Variants in MX1 observed in about 807,000 individuals in gnomAD.
MX1 encodes the protein interferon-induced GTP-binding protein Mx1.
MX1 carries 66 observed loss-of-function variants against 66.4 expected under a neutral mutation model. That is an observed-to-expected ratio of 0.99 (90% CI 0.82 to 1.22). The LOEUF is 1.22. MX1 is among the 50% of genes most tolerant of loss of function. The pLI is 0.00. For synonymous variants in MX1, 311 were observed against 318.1 expected (o/e 0.98, Z 0.24); for missense variants, 787 against 834.3 (o/e 0.94, Z 0.70).
rs1398099324 is a variant in MX1, at chr21:41,441,873, G to T, written c.888G>T (p.Leu296=). 6.2e-7 allele frequency: 1 copy of T among 1,614,082 alleles called. No homozygotes were observed. The highest frequency in any genetic ancestry group is 2.2e-5 in the East Asian group (1 of 44,906). Residue 296 remains leucine (L), a synonymous_variant, in exon 10 of 17, where the codon CTG becomes CTT. Coordinates refer to ENST00000398598, the MANE Select transcript of MX1 (RefSeq NM_002462.5). This position sits in a 1 kb window ranked among gnomAD's most constrained non-coding sequence, Gnocchi z 4.0. ...ACCAGCTGAGCCTGTCCGAAGCCCT[G>T]CAGAGAGAGAAGATCTTCTTTGAGA... The part of the protein sequence containing the change: ...IQDQLSLSEA[L]QREKIFFENH...
At chr21:41,450,110 C>T (rs6517667) in intron 14 of MX1, among the ~76,000 whole-genome samples, 52,235 of 151,922 alleles carry the variant, frequency 0.34, 9,947 homozygotes, top group African/African-American at 0.51. Context: ...ACACCTCCCC[C>T]CTGCTCCACT....
intron 16 of MX1, among the ~76,000 whole-genome samples, chr21:41,455,580 A>G (rs969036152): frequency 9.9e-5 from 15 of 152,216 alleles, no homozygotes; most frequent in African/African-American, 3.6e-4. Flanking sequence ...AGGCTGACTC[A>G]TGCACTCAAA....
Position 41,458,516 on chromosome 21 carries a change from C to A in MX1, c.1759-12C>A. ...CCCCTCCACCCTCCCGTGAACTGTT[C>A]TTTCCTTCCAGGAGGCCAGCAAGCG... is the stretch of plus-strand genomic sequence containing the variant. On this transcript the variant is annotated splice_polypyrimidine_tract_variant and intron_variant, in intron 16 of 16. Transcript: ENST00000398598. 1 of 1,453,630 alleles carries A rather than the reference C, an allele frequency of 6.9e-7. No individual in the cohort carries two copies. Among genetic ancestry groups the A allele is most frequent in the African/African-American group, 1.5e-5 (1 of 68,304 alleles). 90.0% of individuals were successfully genotyped at this position (1,453,630 alleles called of 1,614,324 possible).
chr21:41,456,874 G>T (rs1375712897), intron 16 of MX1, among the ~76,000 whole-genome samples: 1 of 152,084 alleles, frequency 6.6e-6, no homozygotes, highest in African/African-American at 2.4e-5. Flanking sequence ...CGATTCTCCT[G>T]CCTCAGCCTC....
chr21:41,432,253 CT>C, intron 5 of MX1, 78 bp downstream of exon 5: 2 of 1,266,486 alleles, frequency 1.6e-6, no homozygotes, highest in Non-Finnish European at 2.3e-6. Flanking sequence ...TACAGCGGTG[CT>C]ACTGCTGCCC....
intron 16 of MX1, 84 bp from the exon 17 acceptor site, chr21:41,458,444 T>G: frequency 8.6e-7 from 1 of 1,167,118 alleles, no homozygotes; most frequent in Non-Finnish European, 1.2e-6. Flanking sequence ...AGAATCTGGA[T>G]CCCCTCATGT....
chr21:41,454,165 G>A (rs898489243), intron 16 of MX1, among the ~76,000 whole-genome samples: 2 of 152,094 alleles, frequency 1.3e-5, no homozygotes, highest in Non-Finnish European at 2.9e-5. Flanking sequence ...TTCAAAATAT[G>A]TCCACAAAAT....
At chr21:41,423,965 T>G (rs2090018482), upstream of MX1, among the ~76,000 whole-genome samples, 1 of 152,162 alleles carries the variant, frequency 6.6e-6, no homozygotes, top group African/African-American at 2.4e-5. Flanking sequence ...TGCCTCTATC[T>G]GGTTATCAGT....
In MX1 at chr21:41,445,571, G is replaced by T; in HGVS notation, c.1131+1G>T. On this transcript the variant is annotated splice_donor_variant, in intron 12 of 16. Coordinates refer to ENST00000398598, the MANE Select transcript of MX1 (RefSeq NM_002462.5). LOFTEE classifies it high-confidence loss of function. ...TGAAAAAATGTTCTTCCTGATAGAT[G>T]TGAGTGTTGCCAGCTGCATGGAGCT... The T allele has an allele frequency of 1.9e-6, 3 of 1,614,160 alleles. No homozygotes were observed. Among genetic ancestry groups the T allele is most frequent in the Non-Finnish European group, 2.5e-6 (3 of 1,180,026 alleles).
intron 15 of MX1, among the ~76,000 whole-genome samples, chr21:41,451,820 G>A (rs2090836078): frequency 1.4e-5 from 2 of 141,922 alleles, no homozygotes; most frequent in African/African-American, 2.7e-5. Flanking sequence ...AGGCGATGGA[G>A]CGAGACCCCG....
rs111921072 is a variant in MX1, at chr21:41,430,185, G to A, written c.-97-348G>A. 1.6e-3 allele frequency among the ~76,000 whole-genome samples: 242 copies of A among 152,112 alleles called. 2 individuals are homozygous for A. Among genetic ancestry groups the A allele is most frequent in the African/African-American group, 5.4e-3 (223 of 41,478 alleles). ...TGTTACAGAGCAGGGTGACAGGCAG[G>A]GGTGATGAGTTTTGTTTTAACAACC... On this transcript the variant is annotated intron_variant, in intron 3 of 16. Transcript: ENST00000398598.
chr21:41,454,106 C>G (rs575882220), intron 16 of MX1, among the ~76,000 whole-genome samples: 101 of 151,818 alleles, frequency 6.7e-4, no homozygotes, highest in African/African-American at 2.3e-3. Context: ...ATTCCCCCCC[C>G]ACAAAACATG....
At position 41,446,093 on chromosome 21, in the gene MX1, C is replaced by T. The variant is rs1216750670; in HGVS notation, c.1225C>T (p.His409Tyr). The change falls in exon 13 of 17, where the codon CAC (histidine) becomes TAC (tyrosine). Residue 409 changes from histidine to tyrosine, a missense_variant. By Grantham distance (83) the His-to-Tyr change is moderately conservative (BLOSUM62 2). Coordinates refer to ENST00000398598, the MANE Select transcript of MX1 (RefSeq NM_002462.5). Reference sequence around the variant, plus strand: ...CATTCGGCTGTTTACCAGACTCCGACACGAGTTCCACAAATGGAGTACAAT... The same window carrying T: ...CATTCGGCTGTTTACCAGACTCCGATACGAGTTCCACAAATGGAGTACAAT... ...EDIRLFTRLR[H>Y]EFHKWSTIIE... 2 of 1,614,212 alleles carry T rather than the reference C, an allele frequency of 1.2e-6. No individual in the cohort carries two copies. The highest frequency in any genetic ancestry group is 1.7e-5 in the Admixed American group (1 of 60,030).
At chr21:41,442,952 A>G (rs553481982) in intron 10 of MX1, among the ~76,000 whole-genome samples, 8 of 152,320 alleles carry the variant, frequency 5.3e-5, no homozygotes, top group South Asian at 4.1e-4. Context: ...AGGGGCTGGG[A>G]GAGAGAGAAT....
At chr21:41,458,300 G>C (rs762313377) in intron 16 of MX1, among the ~76,000 whole-genome samples, 2 of 152,208 alleles carry the variant, frequency 1.3e-5, no homozygotes, top group Non-Finnish European at 2.9e-5. Flanking sequence ...GTCAGGAAAA[G>C]CTGCTGGGAA....
Position 41,446,018 on chromosome 21 carries a change from C to G in MX1, c.1150C>G (p.Gln384Glu), listed in dbSNP as rs774494290. ...FLIDKVNAFN[Q>E]DITALMQGEE... ...TTGACAGAAAGTTAATGCCTTTAAT[C>G]AGGACATCACTGCTCTCATGCAAGG... Residue 384 changes from glutamine (Q) to glutamate (E), a missense_variant, in exon 13 of 17, where the codon CAG (glutamine) becomes GAG (glutamate). Gln to Glu is a conservative substitution (Grantham distance 29). Transcript: ENST00000398598. 3.1e-6 allele frequency: 5 copies of G among 1,613,848 alleles called. No individual in the cohort carries two copies. In the East Asian group the frequency reaches 1.1e-4, roughly 36 times the overall value.
chr21:41,436,146 A>C (rs468209), intron 6 of MX1, 117 bp downstream of exon 6: 559,972 of 1,253,612 alleles, frequency 0.45, 135,327 homozygotes, highest in Non-Finnish European at 0.51. Flanking sequence ...GGAAGTCCAA[A>C]ATCAGGGTTT....
intron 10 of MX1, among the ~76,000 whole-genome samples, chr21:41,442,423 T>A (rs961863323): frequency 6.6e-6 from 1 of 152,102 alleles, no homozygotes; most frequent in East Asian, 1.9e-4. Context: ...ATAGTTAAAG[T>A]TTAAAGTTAA....
upstream of MX1, chr21:41,421,998 C>T (rs561800518): frequency 1.3e-5 from 2 of 152,428 alleles, no homozygotes; most frequent in African/African-American, 4.8e-5. Flanking sequence ...GAGGTACACC[C>T]AGAGCAACTC....
Sources: allele counts gnomAD v4.1 joint callset (sites outside exome capture counted in the v4.1 genomes callset), GRCh38; gene constraint gnomAD v4.1.1; non-coding constraint Gnocchi (gnomAD v3.1); transcripts MANE v1.5; gene names NCBI Gene and HGNC (gene_info 2026-07-23, HGNC 2026-07-21).